SHCBP1L: variants seen among roughly 807,000 people sequenced by gnomAD.
The protein encoded by SHCBP1L is SHC binding and spindle associated 1 like.
In SHCBP1L, 67 loss-of-function variants were observed where a neutral mutation model predicts 62.5. The ratio of observed to expected loss-of-function variants is 1.07; its 90% CI spans 0.88 to 1.31. The LOEUF (loss-of-function observed/expected upper bound fraction) is 1.31, where lower values mean the gene tolerates loss of function less well. Ranked by LOEUF, SHCBP1L falls within the 40% of genes most tolerant of loss-of-function variation. The probability of loss-of-function intolerance (pLI) is 0.00; values close to 1 mark genes in which losing one functional copy is unlikely to be tolerated. For missense variants in SHCBP1L, 823 were observed against 809.8 expected (o/e 1.02, Z -0.20); for synonymous variants, 284 against 289.4 (o/e 0.98, Z 0.19).
Position 182,939,513 on chromosome 1 carries a change from C to A in SHCBP1L, c.811G>T (p.Glu271Ter), listed in dbSNP as rs748237809. The A allele has an allele frequency of 6.2e-7, 1 of 1,608,622 alleles. No homozygotes were observed. The highest frequency in any genetic ancestry group is 1.1e-5 in the South Asian group (1 of 89,810). ...AGTGCAGTATAATTCTCACAACTTTCTTCATCATCCCAGTCTCTCCAAAGA... is the reference window on the plus strand; with the variant it reads ...AGTGCAGTATAATTCTCACAACTTTATTCATCATCCCAGTCTCTCCAAAGA... ...DFLWRDWDDE[E>*]SCENYTALIE... Residue 271 changes from glutamate (E) to a stop codon, truncating the protein, a stop_gained, in exon 4 of 10, where the codon GAA (glutamate) becomes TAA (stop). Transcript: ENST00000367547. LOFTEE classifies it high-confidence loss of function.
chr1:182,902,166 C>T (rs1211077456), intron 9 of SHCBP1L, among the ~76,000 whole-genome samples: 2 of 150,462 alleles, frequency 1.3e-5, no homozygotes, highest in African/African-American at 4.9e-5. Flanking sequence ...TCTCCTGCCT[C>T]AGCCTACTGA....
At position 182,929,633 on chromosome 1, in the gene SHCBP1L, A is replaced by T. The variant is rs766604619; in HGVS notation, c.1182+14T>A. 2.1e-6 allele frequency: 3 copies of T among 1,455,836 alleles called. No individual in the cohort carries two copies. Among genetic ancestry groups the T allele is most frequent in the South Asian group, 1.3e-5 (1 of 78,796 alleles). 90.2% of individuals were successfully genotyped at this position (1,455,836 alleles called of 1,614,324 possible). A position where few individuals can be genotyped will look rare whatever the true frequency, so the allele number is the denominator to read the frequency against. On this transcript the variant is annotated intron_variant, in intron 6 of 9. Coordinates refer to ENST00000367547, the MANE Select transcript of SHCBP1L (RefSeq NM_030933.4). ...TAATACTTAAATAACAAATAAGAATAGTTTATTTCTTACCATTTCAGTAGT... is the reference window on the plus strand; with the variant it reads ...TAATACTTAAATAACAAATAAGAATTGTTTATTTCTTACCATTTCAGTAGT...
intron 6 of SHCBP1L, 100 bp downstream of exon 6, chr1:182,929,546 AG>A: frequency 1.7e-6 from 1 of 604,106 alleles, no homozygotes. Context: ...TGAGAAAATA[AG>A]GCATTAATGA....
At chr1:182,909,313 G>T (rs980011962) in intron 6 of SHCBP1L, among the ~76,000 whole-genome samples, 1 of 152,148 alleles carries the variant, frequency 6.6e-6, no homozygotes, top group African/African-American at 2.4e-5. Context: ...TAAGGTCATA[G>T]AATTATTTAC....
intron 6 of SHCBP1L, among the ~76,000 whole-genome samples, chr1:182,911,400 G>C (rs796867143): frequency 2.8e-4 from 42 of 152,228 alleles, no homozygotes; most frequent in African/African-American, 1.0e-3. Context: ...AATTTCCAGA[G>C]TTACCATATT....
At position 182,912,798 on chromosome 1, in the gene SHCBP1L, C is replaced by T. The variant is rs201045471; in HGVS notation, c.1183-7149G>A. On this transcript the variant is annotated intron_variant, in intron 6 of 9. Coordinates refer to ENST00000367547, the MANE Select transcript of SHCBP1L (RefSeq NM_030933.4). The stretch of plus-strand genomic sequence containing the variant: ...TCGGCCTCCCAAAGTGCTGGGATTA[C>T]AGGCATGAGCCACTGTGCTTGACTG... Among the ~76,000 whole-genome samples, 8 of 151,732 alleles carry T rather than the reference C, an allele frequency of 5.3e-5. No homozygotes were observed. The East Asian group carries it at 1.4e-3, about 27-fold the overall frequency.
At chr1:182,924,469 T>C (rs1650612811) in intron 6 of SHCBP1L, among the ~76,000 whole-genome samples, 1 of 151,606 alleles carries the variant, frequency 6.6e-6, no homozygotes, top group Admixed American at 6.6e-5. Flanking sequence ...GGCTAATTTT[T>C]TGTATTTTTA....
chr1:182,916,605 C>T (rs1650362159), intron 6 of SHCBP1L, among the ~76,000 whole-genome samples: 1 of 152,030 alleles, frequency 6.6e-6, no homozygotes, highest in Non-Finnish European at 1.5e-5. Context: ...AACAATTGTA[C>T]ACCAACAAAT....
chr1:182,924,974 G>GAAAGAAAGAAAGAAA (rs1344712194), intron 6 of SHCBP1L, among the ~76,000 whole-genome samples: 9 of 109,510 alleles, frequency 8.2e-5, no homozygotes, highest in Non-Finnish European at 1.6e-4. Flanking sequence ...AAGAAAGAAA[G>GAAAGAAAGAAAGAAA]AAAAAAAAAG....
rs183017243 is a variant in SHCBP1L, at chr1:182,924,488, G to A, written c.1182+5159C>T. 3.6e-3 allele frequency among the ~76,000 whole-genome samples: 541 copies of A among 151,278 alleles called. 1 individual carries two copies. The highest frequency in any genetic ancestry group is 5.6e-3 in the Non-Finnish European group (380 of 67,844). On this transcript the variant is annotated intron_variant, in intron 6 of 9. Transcript: ENST00000367547. ...AATTTTTTGTATTTTTAGTAGAGAC[G>A]GGTTTCACCGTGTTAGCCAGGATAG...
In SHCBP1L at chr1:182,952,991, C is replaced by T. The variant is rs1340560682; in HGVS notation, c.143G>A (p.Arg48Gln). 4 of 1,543,396 alleles carry T rather than the reference C, an allele frequency of 2.6e-6. No individual in the cohort carries two copies. The highest frequency in any genetic ancestry group is 2.4e-5 in the East Asian group (1 of 41,162). ...TTLKGTAIPVRSVVASPRPVK... is the reference protein window; with the variant it reads ...TTLKGTAIPVQSVVASPRPVK... ...CGGGCGAGGGGAGGCCACCACCGAC[C>T]GCACTGGGATCGCGGTGCCCTTCAG... The change falls in exon 1 of 10, where the codon CGG (arginine) becomes CAG (glutamine). Residue 48 changes from arginine to glutamine, a missense_variant. By Grantham distance (43) the Arg-to-Gln change is conservative. Coordinates refer to ENST00000367547, the MANE Select transcript of SHCBP1L (RefSeq NM_030933.4).
intron 6 of SHCBP1L, among the ~76,000 whole-genome samples, chr1:182,915,161 CAAAAAAAAAAAAAAAA>C (rs371432299): frequency 4.7e-4 from 15 of 31,890 alleles, no homozygotes; most frequent in African/African-American, 6.3e-4. Context: ...GACTCTGTCT[CAAAAAAAAAAAAAAAA>C]AAAAAAAAAA....
intron 5 of SHCBP1L, among the ~76,000 whole-genome samples, chr1:182,937,566 T>A (rs1174705863): frequency 6.6e-6 from 1 of 152,236 alleles, no homozygotes; most frequent in Non-Finnish European, 1.5e-5. Context: ...CTGTATTTAA[T>A]TTTGGAAAAT....
intron 5 of SHCBP1L, among the ~76,000 whole-genome samples, chr1:182,938,471 A>G (rs1651250853): frequency 6.8e-6 from 1 of 147,090 alleles, no homozygotes; most frequent in Admixed American, 6.8e-5. Flanking sequence ...AACAACAACA[A>G]CAACAAAGAG....
intron 6 of SHCBP1L, among the ~76,000 whole-genome samples, chr1:182,920,144 A>G (rs1331480835): frequency 1.3e-5 from 2 of 152,232 alleles, no homozygotes; most frequent in South Asian, 2.1e-4. Flanking sequence ...CTGCCCCAAC[A>G]AAGGGCTTTG....
At chr1:182,912,451 A>G (rs1650218424) in intron 6 of SHCBP1L, among the ~76,000 whole-genome samples, 1 of 152,024 alleles carries the variant, frequency 6.6e-6, no homozygotes, top group Non-Finnish European at 1.5e-5. Flanking sequence ...TACCTGGAGG[A>G]GGGCATGGGA....
chr1:182,935,748 C>T (rs1651146970), intron 5 of SHCBP1L, among the ~76,000 whole-genome samples: 2 of 152,142 alleles, frequency 1.3e-5, no homozygotes. Context: ...CCTTTATCAT[C>T]ATGAAATGTC....
At chr1:182,900,289 G>C in intron 9 of SHCBP1L, 55 bp from the exon 10 acceptor site, 1 of 1,373,940 alleles carries the variant, frequency 7.3e-7, no homozygotes, top group Non-Finnish European at 9.8e-7. Flanking sequence ...AAAAAATGAA[G>C]TAATGAACAT....
At chr1:182,904,524 T>C in intron 7 of SHCBP1L, 94 bp from the exon 8 acceptor site, 2 of 1,342,300 alleles carry the variant, frequency 1.5e-6, no homozygotes, top group Non-Finnish European at 2.0e-6. Flanking sequence ...CTAAAGTTTT[T>C]CCCTGTGTGC....
Sources: allele counts gnomAD v4.1 joint callset (sites outside exome capture counted in the v4.1 genomes callset), GRCh38; gene constraint gnomAD v4.1.1; transcripts MANE v1.5; gene names NCBI Gene and HGNC (gene_info 2026-07-23, HGNC 2026-07-21).